The following DPYD variants were observed in gnomAD, a reference collection of about 807,000 sequenced individuals.
DPYD encodes the protein dihydropyrimidine dehydrogenase, also known as dihydropyrimidine dehydrogenase [NADP(+)].
In DPYD, 109 loss-of-function variants were observed where a neutral mutation model predicts 116.2. The observed-to-expected ratio is 0.94, with a 90% CI of 0.80 to 1.10. DPYD has a LOEUF of 1.10. Ranked by LOEUF, DPYD falls within the 50% of genes least tolerant of loss-of-function variation. DPYD has a pLI of 0.00. For missense variants in DPYD, 1,302 were observed against 1,254.5 expected (o/e 1.04, Z -0.57); for synonymous variants, 440 against 432.0 (o/e 1.02, Z -0.23).
chr1:97,680,335 T>C (rs1660365831), intron 7 of DPYD, among the ~76,000 whole-genome samples: 1 of 152,120 alleles, frequency 6.6e-6, no homozygotes, highest in Non-Finnish European at 1.5e-5. Context: ...CCCTGTCATA[T>C]CCCCATTTAA....
intron 14 of DPYD, among the ~76,000 whole-genome samples, chr1:97,393,480 T>TC: frequency 6.6e-6 from 1 of 151,772 alleles, no homozygotes; most frequent in Admixed American, 6.6e-5. Flanking sequence ...TGTGTGATGT[T>TC]CCCTACCTTG....
At chr1:97,223,948 A>G (rs1188128617) in intron 19 of DPYD, among the ~76,000 whole-genome samples, 2 of 152,082 alleles carry the variant, frequency 1.3e-5, no homozygotes, top group Non-Finnish European at 2.9e-5. Flanking sequence ...TAGCCCTCAA[A>G]AAGATTTCAA....
rs527761342 is a variant in DPYD, at chr1:97,637,620, A to G, written c.850+41475T>C. Among the ~76,000 whole-genome samples the G allele has an allele frequency of 3.9e-5, 6 of 152,270 alleles. 1 individual carries two copies. The South Asian group carries it at 1.2e-3, about 32-fold the overall frequency. On this transcript the variant is annotated intron_variant, in intron 8 of 22. Coordinates refer to ENST00000370192, the MANE Select transcript of DPYD (RefSeq NM_000110.4). ...ATATTATTTTGCTCCAAGACAAACAAGAAAGAAGTGAGAAAAGAGAAAGGG... is the reference window on the plus strand; with the variant it reads ...ATATTATTTTGCTCCAAGACAAACAGGAAAGAAGTGAGAAAAGAGAAAGGG...
Position 97,549,544 on chromosome 1 carries a change from G to A in DPYD, c.1524+16C>T, listed in dbSNP as rs199469537. The A allele has an allele frequency of 1.9e-6, 3 of 1,613,344 alleles. No individual in the cohort carries two copies. The highest frequency in any genetic ancestry group is 2.5e-6 in the Non-Finnish European group (3 of 1,179,468). Reference sequence around the variant, plus strand: ...CATTGGAAAAGAATTAAGTGGAAATGATGGCAAATGCCTACCTGTACGTAT... The same window carrying A: ...CATTGGAAAAGAATTAAGTGGAAATAATGGCAAATGCCTACCTGTACGTAT... On this transcript the variant is annotated intron_variant, in intron 12 of 22. Coordinates refer to ENST00000370192, the MANE Select transcript of DPYD (RefSeq NM_000110.4).
In DPYD at chr1:97,699,515, T is replaced by G. The variant is rs1299283418; in HGVS notation, c.516A>C (p.Arg172Ser). 5.0e-6 allele frequency: 8 copies of G among 1,613,448 alleles called. No homozygotes were observed. The African/African-American group carries it at 1.1e-4, about 22-fold the overall frequency. The part of the protein sequence containing the change: ...VFKAMSIPQI[R>S]NPSLPPPEKM... ...TTTCTGGGGGAGGCAGCGAAGGATT[T>G]CTGATCTGTGGGATACTCATTGCTT... The change falls in exon 6 of 23, where the codon AGA (arginine) becomes AGC (serine). Residue 172 changes from arginine (R) to serine (S), a missense_variant. Arg to Ser is a moderately radical substitution (Grantham distance 110). Coordinates refer to ENST00000370192, the MANE Select transcript of DPYD (RefSeq NM_000110.4).
chr1:97,900,751 G>T (rs1357648079), intron 1 of DPYD, among the ~76,000 whole-genome samples: 1 of 151,692 alleles, frequency 6.6e-6, no homozygotes, highest in African/African-American at 2.4e-5. Flanking sequence ...TTTGCAAACT[G>T]TTTTTTGAAA....
Position 97,297,833 on chromosome 1 carries a change from C to T in DPYD, c.2299+7426G>A, listed in dbSNP as rs920739220. Among the ~76,000 whole-genome samples, 9 of 152,276 alleles carry T rather than the reference C, an allele frequency of 5.9e-5. No homozygotes were observed. The South Asian group carries it at 1.0e-3, about 18-fold the overall frequency. On this transcript the variant is annotated intron_variant, in intron 18 of 22. Transcript: ENST00000370192. ...AAACATAACATTTCACAATCGAGAA[C>T]GTAATTTTATCCTTGCCTAACTCAC...
chr1:97,634,139 G>C (rs545034057), intron 8 of DPYD, among the ~76,000 whole-genome samples: 25 of 152,094 alleles, frequency 1.6e-4, no homozygotes, highest in African/African-American at 2.4e-4. Context: ...AGGAACAGGT[G>C]AAGAAACTGC....
At chr1:97,605,760 A>G (rs1033446325) in intron 8 of DPYD, among the ~76,000 whole-genome samples, 1 of 152,100 alleles carries the variant, frequency 6.6e-6, no homozygotes, top group Non-Finnish European at 1.5e-5. Flanking sequence ...CAATAGTATG[A>G]TAATTGCTTA....
rs117091538 is a variant in DPYD, at chr1:97,515,359, T to C, written c.1740+367A>G. On this transcript the variant is annotated intron_variant, in intron 13 of 22. Transcript: ENST00000370192. Reference sequence around the variant, plus strand: ...ACACTGAGATTCTTTTCAACATAAATTGAATTCCAGAATTTTGTGCAAACC... The same window carrying C: ...ACACTGAGATTCTTTTCAACATAAACTGAATTCCAGAATTTTGTGCAAACC... Among the ~76,000 whole-genome samples, 129 of 152,092 alleles carry C rather than the reference T, an allele frequency of 8.5e-4. 2 individuals carry two copies. In the East Asian group the frequency reaches 0.021, roughly 24 times the overall value.
chr1:97,312,575 A>C (rs1667583696), intron 16 of DPYD, among the ~76,000 whole-genome samples: 1 of 151,900 alleles, frequency 6.6e-6, no homozygotes, highest in African/African-American at 2.4e-5. Context: ...TGCAGCCATT[A>C]AAAATAAATC....
At chr1:97,616,420 A>G (rs1656271633) in intron 8 of DPYD, among the ~76,000 whole-genome samples, 1 of 152,212 alleles carries the variant, frequency 6.6e-6, no homozygotes. Flanking sequence ...TTCCAAGTCA[A>G]GAATAAAATT....
At chr1:97,177,221 G>A (rs1377619355) in intron 20 of DPYD, among the ~76,000 whole-genome samples, 1 of 152,078 alleles carries the variant, frequency 6.6e-6, no homozygotes, top group Non-Finnish European at 1.5e-5. Context: ...TACTAGGTAC[G>A]AACGGTTGTT....
intron 8 of DPYD, among the ~76,000 whole-genome samples, chr1:97,675,034 G>A (rs1051919888): frequency 6.6e-6 from 1 of 152,112 alleles, no homozygotes. Context: ...GAACGTGCAA[G>A]CACACACATC....
intron 2 of DPYD, among the ~76,000 whole-genome samples, chr1:97,850,031 TAAAC>T (rs1020700904): frequency 1.3e-5 from 2 of 152,058 alleles, no homozygotes; most frequent in African/African-American, 4.8e-5. Context: ...CCAAATTAGA[TAAAC>T]AAACACAAGC....
chr1:97,567,061 C>A (rs1652567374), intron 11 of DPYD, among the ~76,000 whole-genome samples: 1 of 151,996 alleles, frequency 6.6e-6, no homozygotes, highest in South Asian at 2.1e-4. Flanking sequence ...GAAAAATGGA[C>A]ACATTTGAAA....
intron 19 of DPYD, among the ~76,000 whole-genome samples, chr1:97,194,649 G>A (rs1257345130): frequency 6.6e-6 from 1 of 151,762 alleles, no homozygotes; most frequent in African/African-American, 2.4e-5. Context: ...GGACTACAGG[G>A]ACACACCACC....
At position 97,515,919 on chromosome 1, in the gene DPYD, G is replaced by A. The variant is rs769514867; in HGVS notation, c.1547C>T (p.Ser516Phe). The A allele has an allele frequency of 6.2e-7, 1 of 1,612,628 alleles. No homozygotes were observed. The highest frequency in any genetic ancestry group is 1.1e-5 in the South Asian group (1 of 91,056). ...YVQSQYGASV[S>F]AKPELPLFYT... The stretch of plus-strand genomic sequence containing the variant: ...AAAGAGGGGTAGTTCAGGCTTGGCA[G>A]AAACGGAAGCTCCATATTGTGACTG... The change falls in exon 13 of 23, where the codon TCT becomes TTT. Residue 516 changes from serine (S) to phenylalanine (F), a missense_variant. Physicochemically the swap from Ser to Phe is radical, Grantham distance 155. Transcript: ENST00000370192.
chr1:97,259,852 A>G (rs1663762239), intron 18 of DPYD, among the ~76,000 whole-genome samples: 1 of 152,146 alleles, frequency 6.6e-6, no homozygotes, highest in Non-Finnish European at 1.5e-5. Flanking sequence ...TGATATGGGC[A>G]ATGGTTGACA....
Sources: allele counts gnomAD v4.1 joint callset (sites outside exome capture counted in the v4.1 genomes callset), GRCh38; gene constraint gnomAD v4.1.1; transcripts MANE v1.5; gene names NCBI Gene and HGNC (gene_info 2026-07-23, HGNC 2026-07-21).